RAB3IP: variants seen among roughly 807,000 people sequenced by gnomAD.
RAB3IP encodes RAB3A interacting protein.
Under a neutral mutation model 59.1 loss-of-function variants are expected in RAB3IP, and 36 were observed. That is an observed-to-expected ratio of 0.61 (90% CI 0.47 to 0.80). The LOEUF (loss-of-function observed/expected upper bound fraction) is 0.80. RAB3IP is among the 30% of genes least tolerant of loss of function. The probability of loss-of-function intolerance (pLI) is 0.00; values close to 1 mark genes in which losing one functional copy is unlikely to be tolerated. For synonymous variants in RAB3IP, 207 were observed against 191.2 expected, an observed-to-expected ratio of 1.08 and a Z score of -0.68; for missense variants, 511 against 536.0, an observed-to-expected ratio of 0.95 and a Z score of 0.46.
At chr12:69,807,418 G>A (rs1339537485) in intron 8 of RAB3IP, among the ~76,000 whole-genome samples, 53 of 148,826 alleles carry the variant, frequency 3.6e-4, no homozygotes. Flanking sequence ...TCACCTCCCA[G>A]ACGGGGCGGC....
At chr12:69,782,800 A>G (rs778532998) in intron 3 of RAB3IP, among the ~76,000 whole-genome samples, 1 of 149,388 alleles carries the variant, frequency 6.7e-6, no homozygotes, top group African/African-American at 2.5e-5. Flanking sequence ...CAGCTTATCC[A>G]GTTTTTTTGT....
chr12:69,806,310 G>A (rs1377528079), intron 8 of RAB3IP, among the ~76,000 whole-genome samples: 1 of 152,102 alleles, frequency 6.6e-6, no homozygotes, highest in Non-Finnish European at 1.5e-5. Flanking sequence ...TTCTCTGATG[G>A]TAGTTTGTAT....
At chr12:69,795,653 T>G in intron 6 of RAB3IP, 1 of 455,192 alleles carries the variant, frequency 2.2e-6, no homozygotes, top group Non-Finnish European at 3.8e-6. Flanking sequence ...AGTCAAAATT[T>G]ATTGCTAGAG....
At chr12:69,744,263 T>A (rs1252979337) in intron 1 of RAB3IP, among the ~76,000 whole-genome samples, 1 of 152,118 alleles carries the variant, frequency 6.6e-6, no homozygotes, top group Non-Finnish European at 1.5e-5. Context: ...AATATTTAAT[T>A]ACAAATAAAT....
At chr12:69,760,129 G>A (rs1012054896) in intron 3 of RAB3IP, among the ~76,000 whole-genome samples, 1 of 152,246 alleles carries the variant, frequency 6.6e-6, no homozygotes, top group Non-Finnish European at 1.5e-5. Flanking sequence ...TGCAATCCCG[G>A]CACCTCGGGA....
At chr12:69,740,366 G>C (rs1160403603) in intron 1 of RAB3IP, among the ~76,000 whole-genome samples, 1 of 152,178 alleles carries the variant, frequency 6.6e-6, no homozygotes, top group East Asian at 1.9e-4. Context: ...GTGTATTCCA[G>C]ATGCGGCTTA....
intron 6 of RAB3IP, among the ~76,000 whole-genome samples, chr12:69,799,494 G>A (rs1372335670): frequency 6.6e-6 from 1 of 152,156 alleles, no homozygotes; most frequent in African/African-American, 2.4e-5. Flanking sequence ...TGAATAGGAA[G>A]GCAGGTGCCA....
intron 3 of RAB3IP, among the ~76,000 whole-genome samples, chr12:69,762,485 A>T (rs11177835): frequency 6.6e-6 from 1 of 152,094 alleles, no homozygotes; most frequent in Admixed American, 6.5e-5. Flanking sequence ...GAGCTGGGCG[A>T]AGTGGCTCAC....
At chr12:69,740,777 A>G (rs111360882) in intron 1 of RAB3IP, among the ~76,000 whole-genome samples, 1,837 of 152,012 alleles carry the variant, frequency 0.012, 28 homozygotes, top group South Asian at 0.035. Flanking sequence ...TTAAAATGGA[A>G]AGGTTCTTAG....
intron 1 of RAB3IP, among the ~76,000 whole-genome samples, chr12:69,743,585 A>G (rs1887552726): frequency 6.6e-6 from 1 of 152,208 alleles, no homozygotes; most frequent in Non-Finnish European, 1.5e-5. Flanking sequence ...CAGGGGAGAT[A>G]ATATCACTAC....
intron 8 of RAB3IP, among the ~76,000 whole-genome samples, chr12:69,810,586 A>G (rs191971060): frequency 2.2e-4 from 33 of 152,244 alleles, no homozygotes; most frequent in African/African-American, 7.7e-4. Flanking sequence ...GCAATACATA[A>G]CAACTGAAGG....
intron 5 of RAB3IP, 125 bp from the exon 6 acceptor site, chr12:69,795,016 C>G: frequency 2.8e-6 from 2 of 727,122 alleles, no homozygotes; most frequent in Non-Finnish European, 2.2e-6. Flanking sequence ...TTTTATTACT[C>G]CACAGGAAAT....
chr12:69,785,430 A>G (rs1392005973), intron 4 of RAB3IP, among the ~76,000 whole-genome samples: 1 of 152,170 alleles, frequency 6.6e-6, no homozygotes. Flanking sequence ...TATTATAGGG[A>G]GTTGGCTCTT....
At chr12:69,746,392 A>G (rs992794222) in intron 1 of RAB3IP, among the ~76,000 whole-genome samples, 1 of 152,068 alleles carries the variant, frequency 6.6e-6, no homozygotes, top group African/African-American at 2.4e-5. Flanking sequence ...TGACTGTCCT[A>G]TCCTATTCCC....
chr12:69,755,598 C>T lies in RAB3IP; in HGVS notation c.190C>T (p.Pro64Ser). The T allele has an allele frequency of 6.2e-7, 1 of 1,614,018 alleles. No homozygotes were observed. The highest frequency in any genetic ancestry group is 8.5e-7 in the Non-Finnish European group (1 of 1,179,956). Residue 64 changes from proline (P) to serine (S), a missense_variant, in exon 2 of 11, where the codon CCT becomes TCT. Pro to Ser is a moderately conservative substitution (Grantham distance 74). Coordinates refer to ENST00000247833, the MANE Select transcript of RAB3IP (RefSeq NM_022456.5). ...QANALDVSEL[P>S]TQPVYSSPRR... is the part of the protein sequence containing the mutation. ...AAATGCATTAGATGTTTCTGAACTT[C>T]CTACACAACCCGTGTATTCATCCCC...
intron 3 of RAB3IP, among the ~76,000 whole-genome samples, chr12:69,769,149 A>G (rs1304710923): frequency 6.6e-6 from 1 of 152,168 alleles, no homozygotes. Flanking sequence ...CCTCCTCAGC[A>G]ATGTGGGAAC....
chr12:69,750,543 G>GT (rs11304094), intron 1 of RAB3IP, among the ~76,000 whole-genome samples: 8,467 of 116,260 alleles, frequency 0.073, 397 homozygotes, highest in African/African-American at 0.13. Context: ...CCTCTACCTC[G>GT]TTTTTTTTTT....
chr12:69,785,496 A>G (rs1592552751), intron 4 of RAB3IP, among the ~76,000 whole-genome samples: 2 of 152,320 alleles, frequency 1.3e-5, no homozygotes, highest in East Asian at 3.9e-4. Flanking sequence ...AGCAAACTGG[A>G]GGCCCAGGAG....
intron 8 of RAB3IP, among the ~76,000 whole-genome samples, chr12:69,807,160 G>GAA (rs1879475338): frequency 6.9e-6 from 1 of 145,176 alleles, no homozygotes; most frequent in African/African-American, 2.6e-5. Context: ...CTTCCCAGAC[G>GAA]GGGTGGCCGG....
Sources: gnomAD v4.1 joint callset for allele counts (sites outside exome capture counted in the v4.1 genomes callset) on GRCh38, gnomAD v4.1.1 for gene constraint, MANE v1.5 for transcripts, NCBI Gene and HGNC (gene_info 2026-07-23, HGNC 2026-07-21) for gene names.